Variants in ABCG8 observed in about 807,000 individuals in gnomAD.
The protein encoded by ABCG8 is ATP-binding cassette sub-family G member 8.
Under a neutral mutation model 71.3 loss-of-function variants are expected in ABCG8, and 81 were observed. That is an observed-to-expected ratio of 1.14 (90% CI 0.95 to 1.37). ABCG8 has a LOEUF of 1.37. ABCG8 is among the 40% of genes most tolerant of loss of function. The pLI is 0.00. For synonymous variants in ABCG8, 451 were observed against 354.7 expected (o/e 1.27, Z -3.05); for missense variants, 1,119 against 866.2 (o/e 1.29, Z -3.66).
chr2:43,880,467 C>G lies in ABCG8; in HGVS notation c.*2554C>G, dbSNP rs946019174. ...GGGATTACAGGTGTGACCCACCGCACCTGGTGTCACAGGTTCATCTTGTAT... is the reference window on the plus strand; with the variant it reads ...GGGATTACAGGTGTGACCCACCGCAGCTGGTGTCACAGGTTCATCTTGTAT... On this transcript the variant is annotated 3_prime_UTR_variant, in exon 13 of 13. Transcript: ENST00000272286. 1.3e-5 allele frequency: 2 copies of G among 152,210 alleles called. No homozygotes were observed. Among genetic ancestry groups the G allele is most frequent in the Non-Finnish European group, 2.9e-5 (2 of 68,046 alleles). 9.4% of individuals were successfully genotyped at this position (152,210 alleles called of 1,614,324 possible).
In ABCG8 at chr2:43,846,881, T is replaced by C. The variant is rs371436829; in HGVS notation, c.322+570T>C. On this transcript the variant is annotated intron_variant, in intron 3 of 12. Transcript: ENST00000272286. The stretch of plus-strand genomic sequence containing the variant: ...GCTTGGGGAACAGAGGTCATTCTCA[T>C]CATGTTCCACCTTTCTTTCTCCCTA... The C allele has an allele frequency of 8.7e-5, 16 of 183,542 alleles. No homozygotes were observed. The South Asian group carries it at 2.0e-3, about 23-fold the overall frequency. 11.4% of individuals were successfully genotyped at this position (183,542 alleles called of 1,614,324 possible).
chr2:43,854,035 C>A (rs1200805271), intron 6 of ABCG8, among the ~76,000 whole-genome samples: 1 of 152,230 alleles, frequency 6.6e-6, no homozygotes, highest in Non-Finnish European at 1.5e-5. Flanking sequence ...CCAAAAGGCA[C>A]CTGCCGACCT....
chr2:43,873,361 T>C (rs1669846554), intron 8 of ABCG8, among the ~76,000 whole-genome samples: 1 of 151,756 alleles, frequency 6.6e-6, no homozygotes, highest in African/African-American at 2.4e-5. Flanking sequence ...ACTAATTTTT[T>C]GTGTGTTTTT....
chr2:43,863,045 G>A (rs72796792), intron 6 of ABCG8, among the ~76,000 whole-genome samples: 7,765 of 149,626 alleles, frequency 0.052, 246 homozygotes, highest in Middle Eastern at 0.12. Context: ...CTCACTCTGT[G>A]GGTAGAACTC....
At chr2:43,861,362 A>T (rs988488236) in intron 6 of ABCG8, among the ~76,000 whole-genome samples, 1 of 151,244 alleles carries the variant, frequency 6.6e-6, no homozygotes, top group Non-Finnish European at 1.5e-5. Context: ...ATTTGGATAG[A>T]ATTCTCATTC....
intron 2 of ABCG8, among the ~76,000 whole-genome samples, chr2:43,845,812 G>A (rs1012889093): frequency 2.0e-5 from 3 of 151,794 alleles, no homozygotes; most frequent in African/African-American, 7.3e-5. Context: ...AGTAGAGGCG[G>A]GGTTTTACCA....
intron 2 of ABCG8, among the ~76,000 whole-genome samples, chr2:43,845,547 C>T (rs1002943277): frequency 6.6e-6 from 1 of 152,176 alleles, no homozygotes; most frequent in South Asian, 2.1e-4. Flanking sequence ...TAGTAAATTA[C>T]TAGTATCAAG....
Position 43,879,267 on chromosome 2 carries a change from C to G in ABCG8, c.*1354C>G, listed in dbSNP as rs1033557265. On this transcript the variant is annotated 3_prime_UTR_variant, in exon 13 of 13. Coordinates refer to ENST00000272286, the MANE Select transcript of ABCG8 (RefSeq NM_022437.3). Reference sequence around the variant, plus strand: ...TGCACAGAGGGCAGGAGAGGATGTTCCCAAAGGAAAATTAGAGTTTAGAAT... The same window carrying G: ...TGCACAGAGGGCAGGAGAGGATGTTGCCAAAGGAAAATTAGAGTTTAGAAT... 6.6e-6 allele frequency: 1 copy of G among 152,238 alleles called. No homozygotes were observed. The highest frequency in any genetic ancestry group is 1.5e-5 in the Non-Finnish European group (1 of 68,168). 9.4% of individuals were successfully genotyped at this position (152,238 alleles called of 1,614,324 possible). A position where few individuals can be genotyped will look rare whatever the true frequency, so the allele number is the denominator to read the frequency against.
rs1669958193 is a variant in ABCG8, at chr2:43,876,362, GGA to G, written c.1756+950_1756+951del. 3.3e-5 allele frequency among the ~76,000 whole-genome samples: 5 copies of G among 152,320 alleles called. No individual in the cohort carries two copies. The South Asian group carries it at 1.0e-3, about 32-fold the overall frequency. On this transcript the variant is annotated intron_variant, in intron 11 of 12. Transcript: ENST00000272286. ...CACCATGGCCCTGTCTCAGAGAGTG[GGA>G]TGTGCCCTTGTGCAGGTAAGAGAGA... is the stretch of plus-strand genomic sequence containing the variant.
rs1212960115 is a variant in ABCG8 at position 43,840,681 on chromosome 2, G to A, written c.63+1565G>A. On this transcript the variant is annotated intron_variant, in intron 1 of 12. Coordinates refer to ENST00000272286, the MANE Select transcript of ABCG8 (RefSeq NM_022437.3). Reference sequence around the variant, plus strand: ...TCTTCCTCACAACCTGAAAGGCCATGTGTAAATTGAGAAATTCTAAGGCAA... The same window carrying A: ...TCTTCCTCACAACCTGAAAGGCCATATGTAAATTGAGAAATTCTAAGGCAA... Among the ~76,000 whole-genome samples the A allele has an allele frequency of 2.0e-5, 3 of 152,302 alleles. No individual in the cohort carries two copies. In the East Asian group the frequency reaches 5.8e-4, roughly 29 times the overall value.
chr2:43,840,825 C>G (rs1169809612), intron 1 of ABCG8, among the ~76,000 whole-genome samples: 4 of 152,166 alleles, frequency 2.6e-5, no homozygotes, highest in Non-Finnish European at 5.9e-5. Context: ...CCTGGATGGT[C>G]ACCCTCCTGC....
At chr2:43,848,407 T>G (rs550013542) in intron 3 of ABCG8, 1 of 152,342 alleles carries the variant, frequency 6.6e-6, no homozygotes, top group Admixed American at 6.5e-5. Context: ...AGCCTGTGAT[T>G]GGCTGATGCT....
chr2:43,880,454 G>A lies in ABCG8; in HGVS notation c.*2541G>A, dbSNP rs1175625275. The A allele has an allele frequency of 1.3e-5, 2 of 152,208 alleles. No individual in the cohort carries two copies. Among genetic ancestry groups the A allele is most frequent in the Non-Finnish European group, 2.9e-5 (2 of 68,056 alleles). 9.4% of individuals were successfully genotyped at this position (152,208 alleles called of 1,614,324 possible). A position where few individuals can be genotyped will look rare whatever the true frequency, so the allele number is the denominator to read the frequency against. On this transcript the variant is annotated 3_prime_UTR_variant, in exon 13 of 13. Coordinates refer to ENST00000272286, the MANE Select transcript of ABCG8 (RefSeq NM_022437.3). ...CTCCCAAAGTGTTGGGATTACAGGT[G>A]TGACCCACCGCACCTGGTGTCACAG...
chr2:43,860,104 G>C lies in ABCG8; in HGVS notation c.964+7236G>C, dbSNP rs181336961. ...CTCTGGACAGAACTCTGAGTATCTG[G>C]ATAGAATTATCATCCTCTGGATAGA... On this transcript the variant is annotated intron_variant, in intron 6 of 12. Transcript: ENST00000272286. 1.6e-3 allele frequency among the ~76,000 whole-genome samples: 220 copies of C among 135,558 alleles called. 2 individuals carry two copies. Among genetic ancestry groups the C allele is most frequent in the Middle Eastern group, 4.3e-3 (1 of 230 alleles). 88.9% of individuals were successfully genotyped at this position (135,558 alleles called of 152,430 possible). A position where few individuals can be genotyped will look rare whatever the true frequency, so the allele number is the denominator to read the frequency against.
intron 6 of ABCG8, among the ~76,000 whole-genome samples, chr2:43,865,172 C>G (rs966433574): frequency 6.6e-6 from 1 of 151,644 alleles, no homozygotes; most frequent in Non-Finnish European, 1.5e-5. Context: ...ATGTAGAATT[C>G]TCAACATCTG....
chr2:43,857,519 C>G (rs1669155689), intron 6 of ABCG8, among the ~76,000 whole-genome samples: 1 of 151,606 alleles, frequency 6.6e-6, no homozygotes, highest in South Asian at 2.1e-4. Flanking sequence ...CCCTCACTAT[C>G]TATATGGAAA....
In ABCG8 at chr2:43,881,192, C is replaced by A. The variant is rs1404430759; in HGVS notation, c.*3279C>A. 6.6e-6 allele frequency: 1 copy of A among 152,246 alleles called. No individual in the cohort carries two copies. Among genetic ancestry groups the A allele is most frequent in the African/African-American group, 2.4e-5 (1 of 41,444 alleles). The allele number at this position is 152,246 out of a possible 1,614,324, so 9.4% of individuals were successfully genotyped here. A position where few individuals can be genotyped will look rare whatever the true frequency, so the allele number is the denominator to read the frequency against. On this transcript the variant is annotated 3_prime_UTR_variant, in exon 13 of 13. Coordinates refer to ENST00000272286, the MANE Select transcript of ABCG8 (RefSeq NM_022437.3). The stretch of plus-strand genomic sequence containing the variant: ...TTTGGTAACTCAGTGGCTCTGTATG[C>A]CGTGCTGAAGGGGAAAAGGGCAAAG...
intron 6 of ABCG8, among the ~76,000 whole-genome samples, chr2:43,860,169 A>G (rs1572846090): frequency 6.6e-6 from 1 of 151,622 alleles, no homozygotes; most frequent in East Asian, 1.9e-4. Flanking sequence ...CACTCTCTGG[A>G]TAGAACTCTC....
rs1303015665 is a variant in ABCG8 at position 43,880,809 on chromosome 2, C to G, written c.*2896C>G. The G allele has an allele frequency of 2.0e-5, 3 of 152,266 alleles. No individual in the cohort carries two copies. Among genetic ancestry groups the G allele is most frequent in the Non-Finnish European group, 4.4e-5 (3 of 68,064 alleles). 9.4% of individuals were successfully genotyped at this position (152,266 alleles called of 1,614,324 possible). ...TGTGAGAAACCTGGCTTCCATTACC[C>G]TTAGGTTATTTACTCATTTGATTAA... On this transcript the variant is annotated 3_prime_UTR_variant, in exon 13 of 13. Transcript: ENST00000272286.
Sources: gnomAD v4.1 joint callset for allele counts (sites outside exome capture counted in the v4.1 genomes callset) on GRCh38, gnomAD v4.1.1 for gene constraint, MANE v1.5 for transcripts, NCBI Gene and HGNC (gene_info 2026-07-23, HGNC 2026-07-21) for gene names.